The following SORL1 variants were observed in gnomAD, a reference collection of about 807,000 sequenced individuals.
SORL1 encodes the protein sortilin-related receptor.
In SORL1, 127 loss-of-function variants were observed where a neutral mutation model predicts 273.7. The observed-to-expected ratio is 0.46, with a 90% confidence interval of 0.40 to 0.54. The LOEUF is 0.54. Ranked by LOEUF, SORL1 falls within the 20% of genes least tolerant of loss-of-function variation. The pLI, the probability that SORL1 is intolerant of heterozygous loss-of-function variation, is 0.00. For missense variants in SORL1, 2,494 were observed against 2,846.1 expected, an observed-to-expected ratio of 0.88 and a Z score of 2.81; for synonymous variants, 1,031 against 1,067.4, an observed-to-expected ratio of 0.97 and a Z score of 0.66.
rs1565339876 is a variant in SORL1, at chr11:121,570,169, T to C, written c.3236T>C (p.Leu1079Pro). The change falls in exon 23 of 48, where the codon CTT becomes CCT. Residue 1079 changes from leucine (L) to proline (P), a missense_variant. By Grantham distance (98) the Leu-to-Pro change is moderately conservative (BLOSUM62 -3). Transcript: ENST00000260197. ...NTCVKQENTCLRNQYRCSNGN... is the reference protein window; with the variant it reads ...NTCVKQENTCPRNQYRCSNGN... ...CTCTGATGGGTAGAGAACACCTGTC[T>C]TCGCAACCAGTATCGCTGCAGCAAC... 6.2e-7 allele frequency: 1 copy of C among 1,613,778 alleles called. No homozygotes were observed. The highest frequency in any genetic ancestry group is 8.5e-7 in the Non-Finnish European group (1 of 1,179,666).
chr11:121,620,509 C>T (rs1010446423), intron 43 of SORL1, among the ~76,000 whole-genome samples: 18 of 152,160 alleles, frequency 1.2e-4, no homozygotes, highest in African/African-American at 4.3e-4. Context: ...CTTCATCCAG[C>T]GGTGGTTGGT....
chr11:121,566,496 T>C (rs1014326377), intron 21 of SORL1, among the ~76,000 whole-genome samples: 8 of 152,188 alleles, frequency 5.3e-5, no homozygotes, highest in Non-Finnish European at 1.0e-4. Flanking sequence ...CGTGCTGCCA[T>C]GCCTGGCCTC....
chr11:121,480,177 G>C (rs1350896312), intron 3 of SORL1, among the ~76,000 whole-genome samples: 1 of 152,076 alleles, frequency 6.6e-6, no homozygotes, highest in East Asian at 1.9e-4. Context: ...AGTGGATTTT[G>C]TGTTCTCACA....
Position 121,588,096 on chromosome 11 carries a change from C to G in SORL1, c.3891C>G (p.Asp1297Glu). ...GCCTGTTCCACTCCATGGTCTGTGA[C>G]GGAATCATCCAGTGCCGCGACGGGT... ...QQCLFHSMVC[D>E]GIIQCRDGSD... is the part of the protein sequence containing the mutation. Residue 1297 changes from aspartate to glutamate, a missense_variant, in exon 28 of 48, where the codon GAC (aspartate) becomes GAG (glutamate). Physicochemically the swap from Asp to Glu is conservative, Grantham distance 45. This residue lies in a region of SORL1 where 1,609 missense variants were observed against 1,816.4 expected (regional missense o/e 0.89). Transcript: ENST00000260197. The G allele has an allele frequency of 6.2e-7, 1 of 1,613,862 alleles. No homozygotes were observed. The highest frequency in any genetic ancestry group is 8.5e-7 in the Non-Finnish European group (1 of 1,179,880).
At chr11:121,523,487 T>C (rs954042740) in intron 11 of SORL1, among the ~76,000 whole-genome samples, 1 of 152,178 alleles carries the variant, frequency 6.6e-6, no homozygotes, top group Non-Finnish European at 1.5e-5. Context: ...TAGACTCTCT[T>C]TTTGCCTTAA....
At chr11:121,484,612 G>C (rs1231419186) in intron 3 of SORL1, among the ~76,000 whole-genome samples, 2 of 152,036 alleles carry the variant, frequency 1.3e-5, no homozygotes, top group Non-Finnish European at 2.9e-5. Context: ...ATTGGGTTTT[G>C]TTGGGAAAGT....
chr11:121,526,587 A>G (rs984783889), intron 11 of SORL1, among the ~76,000 whole-genome samples: 14 of 152,150 alleles, frequency 9.2e-5, no homozygotes, highest in Admixed American at 8.5e-4. Flanking sequence ...CTTCTGATCC[A>G]TGAATGTAGT....
intron 34 of SORL1, 34 bp from the exon 35 acceptor site, chr11:121,605,368 A>T (rs776450799): frequency 4.4e-6 from 7 of 1,598,364 alleles, no homozygotes; most frequent in Non-Finnish European, 6.0e-6. Flanking sequence ...ATGCTGCTCC[A>T]GTGTGACAAT....
In SORL1 at chr11:121,583,454, A is replaced by G. The variant is rs1418675530; in HGVS notation, c.3581-4A>G. ...TGCGACTGTGTCTCTCTTCTCTGTTACAGCCATCTATCACACCTGTGAGGC... is the reference window on the plus strand; with the variant it reads ...TGCGACTGTGTCTCTCTTCTCTGTTGCAGCCATCTATCACACCTGTGAGGC... On this transcript the variant is annotated splice_region_variant and splice_polypyrimidine_tract_variant and intron_variant, in intron 25 of 47. Coordinates refer to ENST00000260197, the MANE Select transcript of SORL1 (RefSeq NM_003105.6). 3 of 1,609,976 alleles carry G rather than the reference A, an allele frequency of 1.9e-6. No homozygotes were observed. Among genetic ancestry groups the G allele is most frequent in the South Asian group, 2.2e-5 (2 of 90,628 alleles).
chr11:121,605,432 G>C lies in SORL1; in HGVS notation c.4809G>C (p.Leu1603=). 6.2e-7 allele frequency: 1 copy of C among 1,613,694 alleles called. No homozygotes were observed. Among genetic ancestry groups the C allele is most frequent in the Non-Finnish European group, 8.5e-7 (1 of 1,179,700 alleles). ...RVVGESIWKT[L]ETHSNKTNTV... is the part of the protein sequence containing the mutation. ...TTGGAGAGAGCATATGGAAGACTCTGGAGACCCACAGCAATAAGACAAACA... is the reference window on the plus strand; with the variant it reads ...TTGGAGAGAGCATATGGAAGACTCTCGAGACCCACAGCAATAAGACAAACA... The change falls in exon 35 of 48, where the codon CTG becomes CTC. Residue 1603 remains leucine, a synonymous_variant. Transcript: ENST00000260197.
intron 6 of SORL1, among the ~76,000 whole-genome samples, chr11:121,510,934 A>G (rs1344396519): frequency 6.6e-6 from 1 of 152,188 alleles, no homozygotes; most frequent in Admixed American, 6.5e-5. Flanking sequence ...TTCCATGAGT[A>G]TGCTTTGCTT....
At chr11:121,532,337 G>T in intron 11 of SORL1, 127 bp from the exon 12 acceptor site, 1 of 756,390 alleles carries the variant, frequency 1.3e-6, no homozygotes. Flanking sequence ...CGGAAAAATT[G>T]TTTTCAAGTG....
Position 121,630,867 on chromosome 11 carries a change from T to G in SORL1, c.*1304T>G, listed in dbSNP as rs554440536. On this transcript the variant is annotated 3_prime_UTR_variant, in exon 48 of 48. Transcript: ENST00000260197. ...TCAAACCATGGCCACTTGATACTTATGTAGAATCCATCGTGGGCTGATGCA... is the reference window on the plus strand; with the variant it reads ...TCAAACCATGGCCACTTGATACTTAGGTAGAATCCATCGTGGGCTGATGCA... The G allele has an allele frequency of 6.6e-6, 1 of 152,376 alleles. No homozygotes were observed. Among genetic ancestry groups the G allele is most frequent in the East Asian group, 1.9e-4 (1 of 5,190 alleles). The allele number at this position is 152,376 out of a possible 1,614,324, so 9.4% of individuals were successfully genotyped here.
At chr11:121,600,018 T>G (rs1261952705) in intron 32 of SORL1, among the ~76,000 whole-genome samples, 1 of 152,216 alleles carries the variant, frequency 6.6e-6, no homozygotes, top group East Asian at 1.9e-4. Context: ...AAGTCATTAA[T>G]GACCAGATGA....
chr11:121,613,611 A>G (rs758039562), intron 40 of SORL1, among the ~76,000 whole-genome samples: 2 of 152,164 alleles, frequency 1.3e-5, no homozygotes, highest in Non-Finnish European at 2.9e-5. Context: ...CACATTGAGC[A>G]CCTACCATGT....
intron 26 of SORL1, among the ~76,000 whole-genome samples, chr11:121,584,301 T>G (rs1470457961): frequency 6.6e-6 from 1 of 152,248 alleles, no homozygotes; most frequent in Non-Finnish European, 1.5e-5. Context: ...TCCTTGATAT[T>G]AGATTTGTAT....
chr11:121,608,231 A>G, intron 38 of SORL1, 55 bp downstream of exon 38: 2 of 1,420,742 alleles, frequency 1.4e-6, no homozygotes, highest in South Asian at 1.2e-5. Flanking sequence ...AACCCTTTCA[A>G]ATGACTTTCA....
At chr11:121,552,467 AGAGTGACAGAAT>A (rs1204558505) in intron 16 of SORL1, among the ~76,000 whole-genome samples, 1 of 152,238 alleles carries the variant, frequency 6.6e-6, no homozygotes, top group Non-Finnish European at 1.5e-5. Context: ...AAAAAAGCCC[AGAGTGACAGAAT>A]GAGGTTTATA....
Position 121,550,045 on chromosome 11 carries a change from C to T in SORL1, c.2137C>T (p.Pro713Ser). The T allele has an allele frequency of 6.2e-7, 1 of 1,613,808 alleles. No individual in the cohort carries two copies. Among genetic ancestry groups the T allele is most frequent in the Non-Finnish European group, 8.5e-7 (1 of 1,179,790 alleles). ...ATTTTCTGGAAAGTCATACTCCCCTCCTGTGCCTTGCCCTGTGGGTTCTAC... is the reference window on the plus strand; with the variant it reads ...ATTTTCTGGAAAGTCATACTCCCCTTCTGTGCCTTGCCCTGTGGGTTCTAC... ...PEFSGKSYSP[P>S]VPCPVGSTYR... The change falls in exon 15 of 48, where the codon CCT becomes TCT. Residue 713 changes from proline to serine, a missense_variant. Pro to Ser is a moderately conservative substitution (Grantham distance 74). Coordinates refer to ENST00000260197, the MANE Select transcript of SORL1 (RefSeq NM_003105.6). The surrounding 1 kb of genome is among the most constrained non-coding windows in gnomAD (Gnocchi z 5.3).
Sources: allele counts gnomAD v4.1 joint callset (sites outside exome capture counted in the v4.1 genomes callset), GRCh38; gene constraint gnomAD v4.1.1; regional missense constraint gnomAD v4.1.1; non-coding constraint Gnocchi (gnomAD v3.1); transcripts MANE v1.5; gene names NCBI Gene and HGNC (gene_info 2026-07-23, HGNC 2026-07-21).